The following NALF1 variants were observed in gnomAD, a reference collection of about 807,000 sequenced individuals.
NALF1 encodes the protein family with sequence similarity 155 member A.
Under a neutral mutation model 48.4 loss-of-function variants are expected in NALF1, and 3 were observed. The ratio of observed to expected loss-of-function variants is 0.06; its 90% CI spans 0.03 to 0.16. The LOEUF (loss-of-function observed/expected upper bound fraction) is 0.16. Among genes scored for constraint, NALF1 ranks in the 10% least tolerant of loss-of-function variants. The pLI is 1.00. For missense variants in NALF1, 526 were observed against 571.5 expected (o/e 0.92, Z 0.81); for synonymous variants, 262 against 245.7 (o/e 1.07, Z -0.62).
intron 1 of NALF1, among the ~76,000 whole-genome samples, chr13:107,556,296 T>TAC (rs71121533): frequency 3.3e-4 from 33 of 98,562 alleles, no homozygotes; most frequent in South Asian, 2.5e-3. Flanking sequence ...TATATATATA[T>TAC]ACACACACAC....
chr13:107,337,506 C>T (rs1422048043), intron 1 of NALF1, among the ~76,000 whole-genome samples: 1 of 151,974 alleles, frequency 6.6e-6, no homozygotes, highest in African/African-American at 2.4e-5. Context: ...TAATGTGTCC[C>T]CTGAGTGCCA....
At chr13:107,318,035 T>C (rs1485615880) in intron 1 of NALF1, among the ~76,000 whole-genome samples, 1 of 152,094 alleles carries the variant, frequency 6.6e-6, no homozygotes, top group Non-Finnish European at 1.5e-5. Context: ...CATACTTTTC[T>C]ATCACTGCTT....
intron 1 of NALF1, among the ~76,000 whole-genome samples, chr13:107,815,139 T>C (rs1392025377): frequency 6.6e-6 from 1 of 151,610 alleles, no homozygotes; most frequent in East Asian, 1.9e-4. Context: ...AGTAATAAAA[T>C]AAAAAAAAGA....
intron 1 of NALF1, among the ~76,000 whole-genome samples, chr13:107,851,596 A>G (rs1043298961): frequency 1.1e-4 from 17 of 152,124 alleles, no homozygotes; most frequent in African/African-American, 3.9e-4. Context: ...TTTAGAAGAG[A>G]AACGACGACC....
chr13:107,675,100 C>T (rs1456057664), intron 1 of NALF1, among the ~76,000 whole-genome samples: 3 of 152,166 alleles, frequency 2.0e-5, no homozygotes, highest in Non-Finnish European at 4.4e-5. Context: ...GCTGGAGAGA[C>T]ATTTCTATGC....
At chr13:107,577,421 T>C (rs143652664) in intron 1 of NALF1, among the ~76,000 whole-genome samples, 1 of 152,102 alleles carries the variant, frequency 6.6e-6, no homozygotes. Context: ...GAGACTAGCA[T>C]GCAAAACCAG....
At chr13:107,710,107 C>A (rs991460389) in intron 1 of NALF1, among the ~76,000 whole-genome samples, 1 of 148,550 alleles carries the variant, frequency 6.7e-6, no homozygotes, top group Non-Finnish European at 1.5e-5. Context: ...AGAGTGAGAC[C>A]CAGTTTCTTA....
At chr13:107,822,179 G>T (rs969074563) in intron 1 of NALF1, among the ~76,000 whole-genome samples, 20 of 152,056 alleles carry the variant, frequency 1.3e-4, no homozygotes, top group Non-Finnish European at 2.4e-4. Context: ...AGGAAATAGG[G>T]TCATCATACT....
chr13:107,316,605 T>C (rs1034771653), intron 1 of NALF1, among the ~76,000 whole-genome samples: 2 of 152,186 alleles, frequency 1.3e-5, no homozygotes, highest in African/African-American at 4.8e-5. Context: ...TGGTGTGAGA[T>C]GGTATCTCAT....
intron 1 of NALF1, among the ~76,000 whole-genome samples, chr13:107,266,386 C>T (rs1356877871): frequency 6.6e-6 from 1 of 152,186 alleles, no homozygotes; most frequent in Non-Finnish European, 1.5e-5. Context: ...GCTCTGTGTA[C>T]ACCCCACCTG....
chr13:107,363,932 C>T (rs140814539), intron 1 of NALF1, among the ~76,000 whole-genome samples: 2 of 152,160 alleles, frequency 1.3e-5, no homozygotes, highest in African/African-American at 2.4e-5. Context: ...TTACTGAGAA[C>T]GTGTAGTTGA....
At chr13:107,616,040 G>A (rs12584552) in intron 1 of NALF1, among the ~76,000 whole-genome samples, 37,958 of 151,938 alleles carry the variant, frequency 0.25, 5,227 homozygotes, top group East Asian at 0.48. Flanking sequence ...AGGTCCTGTC[G>A]CACAAAAATT....
chr13:107,293,153 T>G (rs1490652640), intron 1 of NALF1, among the ~76,000 whole-genome samples: 1 of 151,952 alleles, frequency 6.6e-6, no homozygotes, highest in Non-Finnish European at 1.5e-5. Context: ...GCTAATTTTT[T>G]GTATTTTTAG....
At chr13:107,317,612 G>C (rs981354735) in intron 1 of NALF1, among the ~76,000 whole-genome samples, 1 of 151,992 alleles carries the variant, frequency 6.6e-6, no homozygotes, top group Non-Finnish European at 1.5e-5. Flanking sequence ...CTTCTAGTTT[G>C]ATTTAGATCT....
At chr13:107,502,762 AAATTT>A (rs768520908) in intron 1 of NALF1, among the ~76,000 whole-genome samples, 75 of 152,300 alleles carry the variant, frequency 4.9e-4, no homozygotes, top group Non-Finnish European at 8.2e-4. Flanking sequence ...TTTTTCTGTA[AAATTT>A]AACCTCCTAA....
chr13:107,672,361 TA>T (rs1417101624), intron 1 of NALF1, among the ~76,000 whole-genome samples: 1 of 152,190 alleles, frequency 6.6e-6, no homozygotes, highest in Non-Finnish European at 1.5e-5. Context: ...TGTATTGTCT[TA>T]GAATGCTGCG....
chr13:107,722,803 C>T (rs2138528876), intron 1 of NALF1, among the ~76,000 whole-genome samples: 1 of 152,234 alleles, frequency 6.6e-6, no homozygotes, highest in East Asian at 1.9e-4. Flanking sequence ...GCAGAGAAAG[C>T]ACTCAGCCCA....
intron 1 of NALF1, among the ~76,000 whole-genome samples, chr13:107,219,292 C>T (rs777665112): frequency 2.0e-5 from 3 of 152,186 alleles, no homozygotes; most frequent in Non-Finnish European, 4.4e-5. Flanking sequence ...AAACATACCA[C>T]TTATTTAACC....
At chr13:107,783,344 C>G (rs983952155) in intron 1 of NALF1, among the ~76,000 whole-genome samples, 1 of 151,598 alleles carries the variant, frequency 6.6e-6, no homozygotes, top group Non-Finnish European at 1.5e-5. Flanking sequence ...GCCCGGCCAC[C>G]ACCCCGTCTG....
Sources: gnomAD v4.1 joint callset for allele counts (sites outside exome capture counted in the v4.1 genomes callset) on GRCh38, gnomAD v4.1.1 for gene constraint, MANE v1.5 for transcripts, NCBI Gene and HGNC (gene_info 2026-07-23, HGNC 2026-07-21) for gene names.